The following UBE2Z variants were observed in gnomAD, a reference collection of about 807,000 sequenced individuals.
The protein encoded by UBE2Z is ubiquitin conjugating enzyme E2 Z.
UBE2Z carries 10 observed loss-of-function variants against 32.6 expected under a neutral mutation model. That is an observed-to-expected ratio of 0.31 (90% confidence interval 0.19 to 0.52). The LOEUF (loss-of-function observed/expected upper bound fraction) is 0.52, where lower values mean the gene tolerates loss of function less well. Ranked by LOEUF, UBE2Z falls within the 20% of genes least tolerant of loss-of-function variation. UBE2Z has a pLI of 0.97. For missense variants in UBE2Z, 343 were observed against 480.9 expected, an observed-to-expected ratio of 0.71 and a Z score of 2.68; for synonymous variants, 183 against 190.8, an observed-to-expected ratio of 0.96 and a Z score of 0.34.
chr17:48,908,953 T>A, intron 1 of UBE2Z, 133 bp downstream of exon 1: 5 of 500,726 alleles, frequency 1.0e-5, no homozygotes, highest in Non-Finnish European at 1.5e-5. Context: ...ACGGCCCAAA[T>A]CTTGCCAGCT....
chr17:48,908,885 CT>C, intron 1 of UBE2Z, 65 bp downstream of exon 1: 1 of 1,104,570 alleles, frequency 9.1e-7, no homozygotes, highest in Non-Finnish European at 1.1e-6. Flanking sequence ...GCCCCCCACC[CT>C]CTCCCACTAC....
chr17:48,913,974 C>T (rs999027169), intron 3 of UBE2Z, among the ~76,000 whole-genome samples: 2 of 152,134 alleles, frequency 1.3e-5, no homozygotes, highest in Non-Finnish European at 2.9e-5. Flanking sequence ...TGTCCTCAAG[C>T]AGTCGTCCTC....
Position 48,908,662 on chromosome 17 carries a change from C to T in UBE2Z, c.159C>T (p.Gly53=). The change falls in exon 1 of 7, where the codon GGC becomes GGT. Residue 53 remains glycine, a synonymous_variant. Coordinates refer to ENST00000360943, the MANE Select transcript of UBE2Z (RefSeq NM_023079.5). ...PDVWAAAAAA[G]GAGGPGSGLA... is the part of the protein sequence containing the mutation. Reference sequence around the variant, plus strand: ...TGTGGGCGGCGGCGGCGGCAGCGGGCGGGGCCGGGGGCCCGGGGAGCGGCC... The same window carrying T: ...TGTGGGCGGCGGCGGCGGCAGCGGGTGGGGCCGGGGGCCCGGGGAGCGGCC... The T allele has an allele frequency of 8.2e-7, 1 of 1,220,980 alleles. No homozygotes were observed. Among genetic ancestry groups the T allele is most frequent in the South Asian group, 4.1e-5 (1 of 24,472 alleles). 75.6% of individuals were successfully genotyped at this position (1,220,980 alleles called of 1,614,324 possible).
In UBE2Z at chr17:48,928,704, T is replaced by TTGA. The variant is rs144120233; in HGVS notation, c.*1571_*1573dup. 0.13 allele frequency: 19,326 copies of TTGA among 152,692 alleles called. 1,597 individuals are homozygous for TTGA. Among genetic ancestry groups the TTGA allele is most frequent in the Non-Finnish European group, 0.18 (12,459 of 68,014 alleles). The allele number at this position is 152,692 out of a possible 1,614,324, so 9.5% of individuals were successfully genotyped here. On this transcript the variant is annotated 3_prime_UTR_variant, in exon 7 of 7. Coordinates refer to ENST00000360943, the MANE Select transcript of UBE2Z (RefSeq NM_023079.5). ...GAACGGAAGTTTATCTTGGATACCC[T>TTGA]TGAAGAGGCTGGGTCTCTTCACATG...
At chr17:48,912,538 A>C in intron 2 of UBE2Z, 2 of 319,706 alleles carry the variant, frequency 6.3e-6, no homozygotes, top group South Asian at 6.7e-5. Flanking sequence ...GCTTTAAGAG[A>C]GTTTTAGGGG....
chr17:48,926,969 T>G lies in UBE2Z; in HGVS notation c.900T>G (p.Pro300=), dbSNP rs2040802935. 6.2e-7 allele frequency: 1 copy of G among 1,612,428 alleles called. No homozygotes were observed. The highest frequency in any genetic ancestry group is 1.3e-5 in the African/African-American group (1 of 75,016). The change falls in exon 7 of 7, where the codon CCT becomes CCG. Residue 300 remains proline (P), a synonymous_variant. Transcript: ENST00000360943. ...LHLQGQTMQD[P]FGEKRGHFDY... is the part of the protein sequence containing the mutation. ...CTTGTCTCCTTTCCCCACAGGACCC[T>G]TTTGGAGAGAAGCGGGGCCACTTTG... is the stretch of plus-strand genomic sequence containing the variant.
intron 4 of UBE2Z, among the ~76,000 whole-genome samples, chr17:48,920,018 C>T (rs1420224451): frequency 6.6e-6 from 1 of 151,298 alleles, no homozygotes; most frequent in Non-Finnish European, 1.5e-5. Context: ...TTGTCTCTAC[C>T]GAAAAACTTT....
rs1397802120 is a variant in UBE2Z at position 48,927,101 on chromosome 17, A to G, written c.1032A>G (p.Thr344=). 6.2e-7 allele frequency: 1 copy of G among 1,613,970 alleles called. No individual in the cohort carries two copies. The highest frequency in any genetic ancestry group is 1.1e-5 in the South Asian group (1 of 91,082). Residue 344 remains threonine (T), a synonymous_variant, in exon 7 of 7, where the codon ACA becomes ACG. Coordinates refer to ENST00000360943, the MANE Select transcript of UBE2Z (RefSeq NM_023079.5). ...ACTCTGATAGCAGTTCATCTGGGAC[A>G]GAGACAGACCTTCATGGGAGCCTGA... The part of the protein sequence containing the change: ...EMDSDSSSSG[T]ETDLHGSLRV
chr17:48,919,169 A>G (rs1029701320), intron 4 of UBE2Z, among the ~76,000 whole-genome samples: 2 of 151,956 alleles, frequency 1.3e-5, no homozygotes, highest in Admixed American at 6.6e-5. Flanking sequence ...TATTTTTAGT[A>G]GAGACGGGGT....
chr17:48,910,123 GC>G (rs1291961274), intron 1 of UBE2Z, among the ~76,000 whole-genome samples: 2 of 152,014 alleles, frequency 1.3e-5, no homozygotes, highest in South Asian at 4.1e-4. Context: ...ATGTTCTTTA[GC>G]CCCTTGCTCT....
In UBE2Z at chr17:48,916,007, C is replaced by T. The variant is rs575929264; in HGVS notation, c.579-69C>T. On this transcript the variant is annotated intron_variant, in intron 3 of 6. Transcript: ENST00000360943. ...GGTGAGTCACTTATGGTGGTGTTGC[C>T]GGGCCCCAGGGTACTTGTTCCCTAT... 87 of 1,018,876 alleles carry T rather than the reference C, an allele frequency of 8.5e-5. No individual in the cohort carries two copies. In the African/African-American group the frequency reaches 1.2e-3, roughly 14 times the overall value. The allele number at this position is 1,018,876 out of a possible 1,614,324, so 63.1% of individuals were successfully genotyped here.
chr17:48,925,426 AGTGCTAC>A (rs1300107258), intron 6 of UBE2Z, among the ~76,000 whole-genome samples: 1 of 152,172 alleles, frequency 6.6e-6, no homozygotes, highest in African/African-American at 2.4e-5. Context: ...TATGCCCTCC[AGTGCTAC>A]TTATAAATGG....
Position 48,921,182 on chromosome 17 carries a change from A to G in UBE2Z, c.713A>G (p.Lys238Arg), listed in dbSNP as rs1318284169. The change falls in exon 5 of 7, where the codon AAA (lysine) becomes AGA (arginine). Residue 238 changes from lysine to arginine, a missense_variant. Around this residue, in one of 4 missense-constraint regions of UBE2Z, gnomAD observed 182 missense variants for 312.4 expected, o/e 0.58. Coordinates refer to ENST00000360943, the MANE Select transcript of UBE2Z (RefSeq NM_023079.5). ...TAGGAGAGACATCCAGGAGACAGCA[A>G]AAACTATAATGAATGTATCCGGCAC... ...FEQERHPGDS[K>R]NYNECIRHET... 27 of 1,612,110 alleles carry G rather than the reference A, an allele frequency of 1.7e-5. No homozygotes were observed. The highest frequency in any genetic ancestry group is 2.1e-5 in the Non-Finnish European group (25 of 1,179,100).
chr17:48,913,645 G>T (rs2040697623), intron 3 of UBE2Z, among the ~76,000 whole-genome samples: 1 of 152,146 alleles, frequency 6.6e-6, no homozygotes, highest in Non-Finnish European at 1.5e-5. Flanking sequence ...GAGCCACCGT[G>T]CCCGGCCCAG....
chr17:48,921,619 C>T (rs2040759094), intron 5 of UBE2Z, among the ~76,000 whole-genome samples: 1 of 152,154 alleles, frequency 6.6e-6, no homozygotes, highest in African/African-American at 2.4e-5. Context: ...ACTGGATGAG[C>T]AACGTCAGGG....
At chr17:48,911,884 C>G (rs2040680862) in intron 2 of UBE2Z, 1 of 152,118 alleles carries the variant, frequency 6.6e-6, no homozygotes, top group African/African-American at 2.4e-5. Context: ...TGCCACGTCC[C>G]TTTCCTTTTG....
At position 48,927,111 on chromosome 17, in the gene UBE2Z, C is replaced by G. The variant is rs766516814; in HGVS notation, c.1042C>G (p.Leu348Val). The change falls in exon 7 of 7, where the codon CTT (leucine) becomes GTT (valine). Residue 348 changes from leucine (L) to valine (V), a missense_variant. Leu to Val is a conservative substitution (Grantham distance 32, BLOSUM62 1). This residue lies in a region of UBE2Z where 182 missense variants were observed against 312.4 expected (regional missense o/e 0.58). Coordinates refer to ENST00000360943, the MANE Select transcript of UBE2Z (RefSeq NM_023079.5). Reference sequence around the variant, plus strand: ...CAGTTCATCTGGGACAGAGACAGACCTTCATGGGAGCCTGAGGGTTTAGAC... The same window carrying G: ...CAGTTCATCTGGGACAGAGACAGACGTTCATGGGAGCCTGAGGGTTTAGAC... ...DSSSSGTETD[L>V]HGSLRV is the part of the protein sequence containing the mutation. 6.2e-7 allele frequency: 1 copy of G among 1,613,902 alleles called. No homozygotes were observed. The highest frequency in any genetic ancestry group is 8.5e-7 in the Non-Finnish European group (1 of 1,179,862).
intron 6 of UBE2Z, among the ~76,000 whole-genome samples, chr17:48,923,416 A>G (rs1398477158): frequency 1.3e-5 from 2 of 151,220 alleles, no homozygotes; most frequent in Admixed American, 1.3e-4. Flanking sequence ...AGATCACCTG[A>G]GGTCGGGAGT....
rs905182823 is a variant in UBE2Z, at chr17:48,928,978, A to G, written c.*1844A>G. On this transcript the variant is annotated 3_prime_UTR_variant, in exon 7 of 7. Transcript: ENST00000360943. Reference sequence around the variant, plus strand: ...GCACAGGAGTCAAAGAGATGTCTTTATATCTGACTGTATATAAATGAAGTT... The same window carrying G: ...GCACAGGAGTCAAAGAGATGTCTTTGTATCTGACTGTATATAAATGAAGTT... 1 of 152,602 alleles carries G rather than the reference A, an allele frequency of 6.6e-6. No homozygotes were observed. 9.5% of individuals were successfully genotyped at this position (152,602 alleles called of 1,614,324 possible). A position where few individuals can be genotyped will look rare whatever the true frequency, so the allele number is the denominator to read the frequency against.
Sources: allele counts gnomAD v4.1 joint callset (sites outside exome capture counted in the v4.1 genomes callset), GRCh38; gene constraint gnomAD v4.1.1; regional missense constraint gnomAD v4.1.1; transcripts MANE v1.5; gene names NCBI Gene and HGNC (gene_info 2026-07-23, HGNC 2026-07-21).